Variants in NXPH1 observed in about 807,000 individuals in gnomAD.
The protein encoded by NXPH1 is neurexophilin 1, also known as neurexophilin-1.
Under a neutral mutation model 23.7 loss-of-function variants are expected in NXPH1, and 5 were observed. The observed-to-expected ratio is 0.21, with a 90% CI of 0.11 to 0.44. NXPH1 has a LOEUF of 0.44. Among genes scored for constraint, NXPH1 ranks in the 20% least tolerant of loss-of-function variants. The probability of loss-of-function intolerance (pLI) is 0.99; values close to 1 mark genes in which losing one functional copy is unlikely to be tolerated. For synonymous variants in NXPH1, 144 were observed against 122.2 expected, an observed-to-expected ratio of 1.18 and a Z score of -1.18; for missense variants, 324 against 321.6, an observed-to-expected ratio of 1.01 and a Z score of -0.06.
At chr7:8,508,633 T>C (rs910504520) in intron 2 of NXPH1, among the ~76,000 whole-genome samples, 2 of 152,118 alleles carry the variant, frequency 1.3e-5, no homozygotes, top group African/African-American at 2.4e-5. Flanking sequence ...ATCTCATATT[T>C]GCTAAGCATC....
At chr7:8,484,512 T>G (rs1817126644) in intron 2 of NXPH1, among the ~76,000 whole-genome samples, 2 of 152,170 alleles carry the variant, frequency 1.3e-5, no homozygotes, top group South Asian at 4.1e-4. Flanking sequence ...TAACACATTT[T>G]AAATAATCCT....
At chr7:8,623,157 C>A (rs907679279) in intron 2 of NXPH1, among the ~76,000 whole-genome samples, 6 of 151,990 alleles carry the variant, frequency 3.9e-5, no homozygotes, top group African/African-American at 1.4e-4. Context: ...AACTAAGAGG[C>A]CTGAATTTAA....
At chr7:8,572,122 T>G (rs909895153) in intron 2 of NXPH1, among the ~76,000 whole-genome samples, 5 of 151,948 alleles carry the variant, frequency 3.3e-5, no homozygotes, top group Non-Finnish European at 5.9e-5. Flanking sequence ...TAGTATGTCT[T>G]AAATAATGCA....
At chr7:8,710,199 G>T (rs916088962) in intron 2 of NXPH1, among the ~76,000 whole-genome samples, 2 of 152,174 alleles carry the variant, frequency 1.3e-5, no homozygotes, top group African/African-American at 4.8e-5. Flanking sequence ...AAGAGGAGGG[G>T]TCCTGCAAGT....
At chr7:8,712,486 C>G (rs181771846) in intron 2 of NXPH1, among the ~76,000 whole-genome samples, 10 of 152,288 alleles carry the variant, frequency 6.6e-5, no homozygotes, top group African/African-American at 1.9e-4. Flanking sequence ...GAAAATTCTT[C>G]CCTCTGTGTC....
chr7:8,672,831 A>G (rs1820892193), intron 2 of NXPH1, among the ~76,000 whole-genome samples: 1 of 152,154 alleles, frequency 6.6e-6, no homozygotes. Flanking sequence ...CTGCTCTGCC[A>G]TCTCTTTCCT....
At chr7:8,451,143 C>A (rs1365707217) in intron 2 of NXPH1, among the ~76,000 whole-genome samples, 1 of 142,526 alleles carries the variant, frequency 7.0e-6, no homozygotes, top group East Asian at 2.2e-4. Flanking sequence ...ATCTGTGTTC[C>A]TTTTGCTTAT....
chr7:8,569,825 T>C (rs185889108), intron 2 of NXPH1, among the ~76,000 whole-genome samples: 29 of 152,020 alleles, frequency 1.9e-4, no homozygotes, highest in African/African-American at 7.0e-4. Context: ...GCTGACAACT[T>C]ATTTATTAGG....
chr7:8,589,646 G>A (rs926371171), intron 2 of NXPH1, among the ~76,000 whole-genome samples: 6 of 152,036 alleles, frequency 3.9e-5, no homozygotes, highest in African/African-American at 9.7e-5. Flanking sequence ...GAAAAAGAAC[G>A]AAAAAGATAA....
At chr7:8,580,450 C>T (rs1041531026) in intron 2 of NXPH1, among the ~76,000 whole-genome samples, 12 of 152,078 alleles carry the variant, frequency 7.9e-5, no homozygotes, top group African/African-American at 2.4e-4. Context: ...CTTCCTCAGG[C>T]AAGAAGAAGC....
intron 2 of NXPH1, among the ~76,000 whole-genome samples, chr7:8,634,599 TATAAAATTCTTTGG>T (rs1204243418): frequency 2.0e-5 from 3 of 151,456 alleles, no homozygotes; most frequent in African/African-American, 7.3e-5. Context: ...AAGCAAGAGG[TATAAAATTCTTTGG>T]AGTGAGTTCT....
chr7:8,583,855 A>G (rs1818928980), intron 2 of NXPH1, among the ~76,000 whole-genome samples: 1 of 152,162 alleles, frequency 6.6e-6, no homozygotes, highest in East Asian at 1.9e-4. Flanking sequence ...TTATTCTTTC[A>G]TGCTACAGCC....
In NXPH1 at chr7:8,435,786, G is replaced by T. The variant is rs760191562; in HGVS notation, c.54+19G>T. ...CTACTTGGTAAGTCTTGGAAGGTTCGGGGCTTTCGCATTTTTACCCCGGCC... is the reference window on the plus strand; with the variant it reads ...CTACTTGGTAAGTCTTGGAAGGTTCTGGGCTTTCGCATTTTTACCCCGGCC... On this transcript the variant is annotated intron_variant, in intron 2 of 2. Transcript: ENST00000405863. This position sits in a 1 kb window ranked among gnomAD's most constrained non-coding sequence, Gnocchi z 5.9. 3.3e-5 allele frequency: 53 copies of T among 1,613,402 alleles called. 3 individuals are homozygous for T. The highest frequency in any genetic ancestry group is 2.9e-4 in the South Asian group (26 of 91,076).
intron 2 of NXPH1, among the ~76,000 whole-genome samples, chr7:8,474,824 T>C (rs1313967926): frequency 1.3e-5 from 2 of 152,116 alleles, no homozygotes; most frequent in African/African-American, 2.4e-5. Context: ...CATTATCCAC[T>C]TCCCACTGGC....
intron 2 of NXPH1, among the ~76,000 whole-genome samples, chr7:8,738,560 C>T (rs375997416): frequency 5.9e-5 from 9 of 152,294 alleles, no homozygotes; most frequent in African/African-American, 2.2e-4. Context: ...TGTCTGTCGA[C>T]CCCTGCTTGG....
At chr7:8,484,853 C>T (rs879032101) in intron 2 of NXPH1, among the ~76,000 whole-genome samples, 8 of 152,154 alleles carry the variant, frequency 5.3e-5, no homozygotes, top group South Asian at 4.1e-4. Context: ...ATTCTATACT[C>T]TATTTAGATA....
intron 2 of NXPH1, among the ~76,000 whole-genome samples, chr7:8,675,018 C>A (rs995272625): frequency 2.6e-5 from 4 of 152,124 alleles, no homozygotes; most frequent in Non-Finnish European, 5.9e-5. Context: ...CCAGGGCTGA[C>A]AGGTTTTTTG....
intron 2 of NXPH1, among the ~76,000 whole-genome samples, chr7:8,573,281 C>T (rs1023493857): frequency 1.3e-5 from 2 of 151,954 alleles, no homozygotes; most frequent in African/African-American, 4.8e-5. Flanking sequence ...TTTTTATGTA[C>T]TGATAAGGTT....
At chr7:8,602,075 A>G (rs1403916390) in intron 2 of NXPH1, among the ~76,000 whole-genome samples, 3 of 152,178 alleles carry the variant, frequency 2.0e-5, no homozygotes, top group Non-Finnish European at 4.4e-5. Context: ...AAAGTACACA[A>G]CTTGCTTTTA....
Sources: allele counts gnomAD v4.1 joint callset (sites outside exome capture counted in the v4.1 genomes callset), GRCh38; gene constraint gnomAD v4.1.1; non-coding constraint Gnocchi (gnomAD v3.1); transcripts MANE v1.5; gene names NCBI Gene and HGNC (gene_info 2026-07-23, HGNC 2026-07-21).